Variants in HIVEP2 observed in about 807,000 individuals in gnomAD.
HIVEP2 encodes transcription factor HIVEP2.
HIVEP2 carries 14 observed loss-of-function variants against 180.7 expected under a neutral mutation model. The ratio of observed to expected loss-of-function variants is 0.08; its 90% confidence interval spans 0.05 to 0.12. The LOEUF (loss-of-function observed/expected upper bound fraction) is 0.12. Among genes scored for constraint, HIVEP2 ranks in the 10% least tolerant of loss-of-function variants. The probability of loss-of-function intolerance (pLI) is 1.00; values close to 1 mark genes in which losing one functional copy is unlikely to be tolerated. For missense variants in HIVEP2, 2,579 were observed against 3,008.5 expected (o/e 0.86, Z 3.34); for synonymous variants, 1,184 against 1,136.4 (o/e 1.04, Z -0.84).
At chr6:142,855,711 G>A (rs1775802535) in intron 1 of HIVEP2, among the ~76,000 whole-genome samples, 1 of 152,196 alleles carries the variant, frequency 6.6e-6, no homozygotes, top group Admixed American at 6.5e-5. Flanking sequence ...AGTTTTTTAT[G>A]CAGTGCTTCT....
intron 2 of HIVEP2, among the ~76,000 whole-genome samples, chr6:142,828,160 T>C (rs1774965270): frequency 6.6e-6 from 1 of 152,192 alleles, no homozygotes; most frequent in Non-Finnish European, 1.5e-5. Flanking sequence ...AGATCTGACA[T>C]ACCCTAGGCA....
intron 2 of HIVEP2, among the ~76,000 whole-genome samples, chr6:142,814,437 G>A (rs943706577): frequency 6.6e-6 from 1 of 152,182 alleles, no homozygotes; most frequent in African/African-American, 2.4e-5. Context: ...AAGGACATCA[G>A]TCAAGAGTTG....
intron 1 of HIVEP2, among the ~76,000 whole-genome samples, chr6:142,903,578 C>T (rs1381233102): frequency 6.6e-6 from 1 of 152,076 alleles, no homozygotes; most frequent in African/African-American, 2.4e-5. Context: ...TCCTGCTCGA[C>T]CCCATAAATT....
chr6:142,832,586 G>A (rs191937371), intron 2 of HIVEP2, among the ~76,000 whole-genome samples: 12 of 152,286 alleles, frequency 7.9e-5, no homozygotes, highest in Non-Finnish European at 1.2e-4. Flanking sequence ...TTAAGAAAGC[G>A]AATTTTTCTC....
Position 142,793,622 on chromosome 6 carries a change from CTCTT to C in HIVEP2, c.-527-10011_-527-10008del, listed in dbSNP as rs753217978. Among the ~76,000 whole-genome samples the C allele has an allele frequency of 2.1e-3, 108 of 50,338 alleles. 1 individual carries two copies. In the South Asian group the frequency reaches 0.042, roughly 20 times the overall value. 33.0% of individuals were successfully genotyped at this position (50,338 alleles called of 152,430 possible). ...CCCCTCCCACCTCCCATCCTTCCTT[CTCTT>C]TCTTTCTTTCTTTCTTTCTTTCTTT... On this transcript the variant is annotated intron_variant, in intron 2 of 9. Coordinates refer to ENST00000367603, the MANE Select transcript of HIVEP2 (RefSeq NM_006734.4).
chr6:142,806,543 G>A (rs1392407816), intron 2 of HIVEP2, among the ~76,000 whole-genome samples: 4 of 151,944 alleles, frequency 2.6e-5, no homozygotes, highest in African/African-American at 9.7e-5. Flanking sequence ...TTTTTTGGGA[G>A]GTGAATTCTC....
At chr6:142,827,943 TG>T (rs754499104) in intron 2 of HIVEP2, among the ~76,000 whole-genome samples, 3 of 152,240 alleles carry the variant, frequency 2.0e-5, no homozygotes, top group Admixed American at 2.0e-4. Flanking sequence ...GGTGTACTTA[TG>T]TACTCAAGAT....
chr6:142,848,454 T>G (rs1327536005), intron 1 of HIVEP2, among the ~76,000 whole-genome samples: 2 of 152,142 alleles, frequency 1.3e-5, no homozygotes, highest in African/African-American at 2.4e-5. Flanking sequence ...GCATGGTAGC[T>G]CACATCTGTA....
chr6:142,757,998 T>C (rs1314670189), intron 9 of HIVEP2, among the ~76,000 whole-genome samples: 1 of 152,090 alleles, frequency 6.6e-6, no homozygotes, highest in Non-Finnish European at 1.5e-5. Flanking sequence ...GAACACAAGC[T>C]GCAGGGATGG....
In HIVEP2 at chr6:142,815,633, T is replaced by G. The variant is rs1157695330; in HGVS notation, c.-528+21302A>C. On this transcript the variant is annotated intron_variant, in intron 2 of 9. Coordinates refer to ENST00000367603, the MANE Select transcript of HIVEP2 (RefSeq NM_006734.4). ...GGTGGCTCAGGAAGCCTAGTCAACTTATTACATTAATATTAATAATGATAA... is the reference window on the plus strand; with the variant it reads ...GGTGGCTCAGGAAGCCTAGTCAACTGATTACATTAATATTAATAATGATAA... Among the ~76,000 whole-genome samples, 6 of 152,216 alleles carry G rather than the reference T, an allele frequency of 3.9e-5. No homozygotes were observed. The South Asian group carries it at 1.2e-3, about 32-fold the overall frequency.
rs1298132502 is a variant in HIVEP2, at chr6:142,945,107, GGGCCGCCGCC to G, written c.-659_-650del. 13 of 146,996 alleles carry G rather than the reference GGGCCGCCGCC, an allele frequency of 8.8e-5. No individual in the cohort carries two copies. The highest frequency in any genetic ancestry group is 5.9e-4 in the East Asian group (3 of 5,076). 9.1% of individuals were successfully genotyped at this position (146,996 alleles called of 1,614,324 possible). ...GCCCCCTCCCCCGCTACCTGACAAC[GGGCCGCCGCC>G]GGCCGCCGCAGCCGCAGCGGTGGCC... On this transcript the variant is annotated 5_prime_UTR_variant, in exon 1 of 10. It removes the in-frame stop codon of an upstream open reading frame in the 5' UTR. Coordinates refer to ENST00000367603, the MANE Select transcript of HIVEP2 (RefSeq NM_006734.4). This position sits in a 1 kb window ranked among gnomAD's most constrained non-coding sequence, Gnocchi z 5.5.
intron 1 of HIVEP2, among the ~76,000 whole-genome samples, chr6:142,879,050 G>A (rs1355558939): frequency 6.6e-6 from 1 of 151,984 alleles, no homozygotes; most frequent in Non-Finnish European, 1.5e-5. Context: ...ACTATCATAC[G>A]GCTTTTGTAA....
At position 142,893,161 on chromosome 6, in the gene HIVEP2, C is replaced by A. The variant is rs150629833; in HGVS notation, c.-641+51938G>T. On this transcript the variant is annotated intron_variant, in intron 1 of 9. Transcript: ENST00000367603. ...AGTCACAAACACCCAGGTTTGTAAA[C>A]CTTTTCCACCACAAACTTGCTGGGT... Among the ~76,000 whole-genome samples the A allele has an allele frequency of 6.5e-3, 996 of 152,286 alleles. 3 individuals are homozygous for A. Among genetic ancestry groups the A allele is most frequent in the Non-Finnish European group, 0.011 (759 of 68,020 alleles).
chr6:142,869,974 C>T (rs1776247365), intron 1 of HIVEP2, among the ~76,000 whole-genome samples: 1 of 151,970 alleles, frequency 6.6e-6, no homozygotes, highest in Non-Finnish European at 1.5e-5. Context: ...CCAAAGTGGC[C>T]CTTCACAGAG....
intron 1 of HIVEP2, among the ~76,000 whole-genome samples, chr6:142,861,995 C>A (rs1341743567): frequency 6.6e-6 from 1 of 152,056 alleles, no homozygotes; most frequent in Non-Finnish European, 1.5e-5. Context: ...GACAAAGTGG[C>A]ACTTGAAGTT....
intron 1 of HIVEP2, among the ~76,000 whole-genome samples, chr6:142,932,881 T>G (rs1346791197): frequency 6.6e-6 from 1 of 152,186 alleles, no homozygotes; most frequent in African/African-American, 2.4e-5. Flanking sequence ...TGTAAGAAAC[T>G]TTACATTGCA....
chr6:142,811,170 A>T, intron 2 of HIVEP2, among the ~76,000 whole-genome samples: 1 of 150,500 alleles, frequency 6.6e-6, no homozygotes, highest in East Asian at 2.0e-4. Context: ...GTCTGTTTTC[A>T]TGAGGCACGT....
intron 2 of HIVEP2, among the ~76,000 whole-genome samples, chr6:142,801,273 G>A (rs1371995111): frequency 6.7e-6 from 1 of 150,074 alleles, no homozygotes; most frequent in Admixed American, 6.6e-5. Context: ...AAGAACACTA[G>A]ATTAAGGCAA....
intron 2 of HIVEP2, among the ~76,000 whole-genome samples, chr6:142,824,389 C>T (rs1003594661): frequency 5.3e-5 from 8 of 152,126 alleles, no homozygotes. Context: ...GTCAAATCCA[C>T]AACGTGAACT....
Sources: gnomAD v4.1 joint callset for allele counts (sites outside exome capture counted in the v4.1 genomes callset) on GRCh38, gnomAD v4.1.1 for gene constraint, Gnocchi (gnomAD v3.1) non-coding constraint, MANE v1.5 for transcripts, NCBI Gene and HGNC (gene_info 2026-07-23, HGNC 2026-07-21) for gene names.